The following XPC variants were observed in gnomAD, a reference collection of about 807,000 sequenced individuals.
XPC encodes DNA repair protein complementing XP-C cells.
In XPC, 76 loss-of-function variants were observed where a neutral mutation model predicts 95.8. The observed-to-expected ratio is 0.79, with a 90% confidence interval of 0.66 to 0.96. The LOEUF (loss-of-function observed/expected upper bound fraction) is 0.96, where lower values mean the gene tolerates loss of function less well. Among genes scored for constraint, XPC ranks in the 40% least tolerant of loss-of-function variants. XPC has a pLI of 0.00. For missense variants in XPC, 1,146 were observed against 1,179.8 expected (o/e 0.97, Z 0.42); for synonymous variants, 442 against 442.1 (o/e 1.00, Z 0.00).
chr3:14,150,298 G>A (rs2125012764), intron 11 of XPC, among the ~76,000 whole-genome samples: 1 of 152,366 alleles, frequency 6.6e-6, no homozygotes, highest in African/African-American at 2.4e-5. Flanking sequence ...TAGTGCAGGG[G>A]CCCACAAGCT....
intron 1 of XPC, among the ~76,000 whole-genome samples, chr3:14,174,390 T>A (rs1696729183): frequency 6.6e-6 from 1 of 151,696 alleles, no homozygotes; most frequent in Admixed American, 6.6e-5. Context: ...TAGTTAGCCC[T>A]CTAATAATAG....
chr3:14,168,798 T>C (rs1696497294), intron 3 of XPC, among the ~76,000 whole-genome samples: 1 of 152,366 alleles, frequency 6.6e-6, no homozygotes. Context: ...CAATTTGCTT[T>C]GTATAGAGTC....
chr3:14,168,793 T>G (rs1696497076), intron 3 of XPC, among the ~76,000 whole-genome samples: 1 of 152,216 alleles, frequency 6.6e-6, no homozygotes, highest in African/African-American at 2.4e-5. Context: ...TAGCACAATT[T>G]GCTTTGTATA....
chr3:14,172,995 T>C lies in XPC; in HGVS notation c.171A>G (p.Lys57=). The C allele has an allele frequency of 6.2e-7, 1 of 1,612,052 alleles. No individual in the cohort carries two copies. Among genetic ancestry groups the C allele is most frequent in the Non-Finnish European group, 8.5e-7 (1 of 1,179,218 alleles). ...AACCCCCAGGATGACTGCAGCCTCTTTTCCTCTTTCCTTGTGAAACTTTGG... is the reference window on the plus strand; with the variant it reads ...AACCCCCAGGATGACTGCAGCCTCTCTTCCTCTTTCCTTGTGAAACTTTGG... ...LLSKVSQGKR[K]RGCSHPGGSA... The change falls in exon 2 of 16, where the codon AAA becomes AAG. Residue 57 remains lysine (K), a synonymous_variant. Transcript: ENST00000285021.
In XPC at chr3:14,167,130, G is replaced by A. The variant is rs3729588; in HGVS notation, c.621+39C>T. 35,570 of 1,514,866 alleles carry A rather than the reference G, an allele frequency of 0.023. 2,319 individuals are homozygous for A. Among genetic ancestry groups the A allele is most frequent in the East Asian group, 0.21 (8,765 of 41,114 alleles). The allele number at this position is 1,514,866 out of a possible 1,614,324, so 93.8% of individuals were successfully genotyped here. A position where few individuals can be genotyped will look rare whatever the true frequency, so the allele number is the denominator to read the frequency against. On this transcript the variant is annotated intron_variant, in intron 5 of 15. Coordinates refer to ENST00000285021, the MANE Select transcript of XPC (RefSeq NM_004628.5). ...TCGGTGAGCACAAGCTCTTTGCACC[G>A]ACAAGGAAAAGTCCTTCCCCATCAT...
chr3:14,166,180 T>C (rs1696370504), intron 5 of XPC, among the ~76,000 whole-genome samples: 1 of 152,182 alleles, frequency 6.6e-6, no homozygotes, highest in Non-Finnish European at 1.5e-5. Context: ...CTTTGTGTCA[T>C]TTTCCCTTCA....
At chr3:14,154,438 T>A (rs1443410699) in intron 10 of XPC, among the ~76,000 whole-genome samples, 1 of 152,168 alleles carries the variant, frequency 6.6e-6, no homozygotes, top group Admixed American at 6.5e-5. Context: ...CAAAATGTGG[T>A]CCACCCACAC....
intron 2 of XPC, among the ~76,000 whole-genome samples, chr3:14,171,809 C>T (rs375965800): frequency 3.0e-4 from 45 of 151,928 alleles, no homozygotes; most frequent in African/African-American, 4.6e-4. Flanking sequence ...GGCAACAGAG[C>T]GAGACTCCAT....
intron 1 of XPC, among the ~76,000 whole-genome samples, chr3:14,176,054 A>G (rs1696802626): frequency 6.6e-6 from 1 of 152,218 alleles, no homozygotes; most frequent in South Asian, 2.1e-4. Flanking sequence ...ATGCTATCCC[A>G]CTGAAAACTC....
intron 5 of XPC, chr3:14,165,878 A>G (rs1696359383): frequency 3.0e-6 from 1 of 330,292 alleles, no homozygotes; most frequent in African/African-American, 2.1e-5. Context: ...TCTTTCAGAG[A>G]TACATACTGA....
At chr3:14,167,871 AG>A (rs1696447737) in intron 4 of XPC, among the ~76,000 whole-genome samples, 1 of 152,196 alleles carries the variant, frequency 6.6e-6, no homozygotes, top group African/African-American at 2.4e-5. Context: ...TGACATGGTG[AG>A]GAAAATGTGA....
At chr3:14,168,420 CAAT>C in intron 3 of XPC, 40 bp from the exon 4 acceptor site, 3 of 1,609,456 alleles carry the variant, frequency 1.9e-6, no homozygotes, top group Non-Finnish European at 2.5e-6. Context: ...ATAGTAATAA[CAAT>C]AATAATAGCT....
chr3:14,147,710 C>A, intron 14 of XPC, 198 bp downstream of exon 14: 1 of 607,508 alleles, frequency 1.6e-6, no homozygotes, highest in East Asian at 2.8e-5. Flanking sequence ...GACCCAGGCT[C>A]CTCAGGGACA....
At position 14,147,322 on chromosome 3, in the gene XPC, T is replaced by C. The variant is rs779675386; in HGVS notation, c.2572A>G (p.Arg858Gly). ...CCGTAGCGACGCTTCAGCCTCTCCC[T>C]GATGAGCAGACCTTTGGCCAGCAAC... ...WKLLAKGLLIRERLKRRYGPK... is the reference protein window; with the variant it reads ...WKLLAKGLLIGERLKRRYGPK... Residue 858 changes from arginine to glycine, a missense_variant, in exon 15 of 16, where the codon AGG becomes GGG. Coordinates refer to ENST00000285021, the MANE Select transcript of XPC (RefSeq NM_004628.5). 2.0e-5 allele frequency: 32 copies of C among 1,611,894 alleles called. No individual in the cohort carries two copies. The South Asian group carries it at 3.4e-4, about 17-fold the overall frequency.
At chr3:14,167,571 TACTG>T in intron 4 of XPC, among the ~76,000 whole-genome samples, 1 of 152,342 alleles carries the variant, frequency 6.6e-6, no homozygotes, top group East Asian at 1.9e-4. Context: ...CTCTTCCGAC[TACTG>T]ACTCTCTCCT....
chr3:14,166,170 C>T (rs1342530451), intron 5 of XPC, among the ~76,000 whole-genome samples: 3 of 152,140 alleles, frequency 2.0e-5, no homozygotes, highest in Non-Finnish European at 4.4e-5. Flanking sequence ...TCACATACTG[C>T]TTTGTGTCAT....
chr3:14,170,386 CAA>C, intron 3 of XPC, 50 bp downstream of exon 3: 2 of 1,569,202 alleles, frequency 1.3e-6, no homozygotes, highest in Non-Finnish European at 1.8e-6. Flanking sequence ...CAGAATCAAA[CAA>C]AAAAACAAAC....
chr3:14,166,923 G>C (rs1486853734), intron 5 of XPC, among the ~76,000 whole-genome samples: 1 of 152,182 alleles, frequency 6.6e-6, no homozygotes, highest in Non-Finnish European at 1.5e-5. Flanking sequence ...GAAGGCAAGT[G>C]CTCTTTATTT....
chr3:14,160,923 A>G (rs1342334406), intron 7 of XPC, among the ~76,000 whole-genome samples: 2 of 152,172 alleles, frequency 1.3e-5, no homozygotes, highest in African/African-American at 2.4e-5. Context: ...ACAGGACTCT[A>G]AAGAGGATTA....
Sources: allele counts gnomAD v4.1 joint callset (sites outside exome capture counted in the v4.1 genomes callset), GRCh38; gene constraint gnomAD v4.1.1; transcripts MANE v1.5; gene names NCBI Gene and HGNC (gene_info 2026-07-23, HGNC 2026-07-21).